SLC39A11: variants seen among roughly 807,000 people sequenced by gnomAD.
SLC39A11 encodes solute carrier family 39 member 11.
Under a neutral mutation model 36.1 loss-of-function variants are expected in SLC39A11, and 33 were observed. The observed-to-expected ratio is 0.91, with a 90% CI of 0.69 to 1.22. The LOEUF (loss-of-function observed/expected upper bound fraction) is 1.22. Ranked by LOEUF, SLC39A11 falls within the 50% of genes most tolerant of loss-of-function variation. SLC39A11 has a pLI of 0.00. For missense variants in SLC39A11, 432 were observed against 430.3 expected (o/e 1.00, Z -0.03); for synonymous variants, 166 against 170.3 (o/e 0.97, Z 0.20).
chr17:72,786,459 T>C (rs1434270297), intron 6 of SLC39A11, among the ~76,000 whole-genome samples: 1 of 152,148 alleles, frequency 6.6e-6, no homozygotes, highest in East Asian at 1.9e-4. Flanking sequence ...ATACACCCCA[T>C]CTTGCCTTTC....
chr17:72,797,790 A>T (rs1159278515), intron 6 of SLC39A11, among the ~76,000 whole-genome samples: 1 of 152,092 alleles, frequency 6.6e-6, no homozygotes, highest in Non-Finnish European at 1.5e-5. Context: ...CCTTTATTCC[A>T]ATGTGCTCAT....
chr17:73,078,054 T>C (rs145061855), intron 3 of SLC39A11, among the ~76,000 whole-genome samples: 48 of 152,042 alleles, frequency 3.2e-4, no homozygotes, highest in African/African-American at 1.1e-3. Flanking sequence ...CTGGCTAACA[T>C]GGTGAAACCC....
At chr17:72,829,263 A>C (rs2078164835) in intron 6 of SLC39A11, among the ~76,000 whole-genome samples, 2 of 151,572 alleles carry the variant, frequency 1.3e-5, no homozygotes, top group South Asian at 4.2e-4. Context: ...CAGCAGGAGG[A>C]TCACTTGGGC....
intron 6 of SLC39A11, among the ~76,000 whole-genome samples, chr17:72,785,460 G>A (rs745337881): frequency 2.6e-5 from 4 of 152,332 alleles, no homozygotes; most frequent in African/African-American, 9.6e-5. Flanking sequence ...TCAGGAGCAC[G>A]TGAAGACATT....
chr17:72,648,429 T>C (rs762322013), intron 9 of SLC39A11, among the ~76,000 whole-genome samples: 1 of 151,796 alleles, frequency 6.6e-6, no homozygotes, highest in Non-Finnish European at 1.5e-5. Context: ...GGCCTATAGC[T>C]AGCCAGTGAA....
chr17:72,842,769 C>T (rs2078876731), intron 6 of SLC39A11, among the ~76,000 whole-genome samples: 2 of 152,304 alleles, frequency 1.3e-5, no homozygotes, highest in Admixed American at 6.5e-5. Flanking sequence ...GCAGGCGCCA[C>T]GGAAGTAGCT....
At chr17:72,795,282 G>A (rs1265859793) in intron 6 of SLC39A11, among the ~76,000 whole-genome samples, 1 of 152,092 alleles carries the variant, frequency 6.6e-6, no homozygotes, top group Admixed American at 6.6e-5. Context: ...GAAGGCTTGA[G>A]TGGGGCTGAA....
At chr17:72,789,951 C>T (rs370009599) in intron 6 of SLC39A11, among the ~76,000 whole-genome samples, 3 of 152,138 alleles carry the variant, frequency 2.0e-5, no homozygotes, top group Non-Finnish European at 2.9e-5. Flanking sequence ...TCTGACTTCT[C>T]GTGGAGTGCC....
At chr17:72,749,420 G>A (rs1267332872) in intron 6 of SLC39A11, among the ~76,000 whole-genome samples, 1 of 152,228 alleles carries the variant, frequency 6.6e-6, no homozygotes, top group African/African-American at 2.4e-5. Flanking sequence ...CTGTATGAAA[G>A]TGGACAGGCT....
At chr17:72,672,413 C>A (rs1469639511) in intron 7 of SLC39A11, among the ~76,000 whole-genome samples, 1 of 152,126 alleles carries the variant, frequency 6.6e-6, no homozygotes, top group Non-Finnish European at 1.5e-5. Flanking sequence ...CATGCCACTG[C>A]CCTCCAGCCT....
intron 4 of SLC39A11, among the ~76,000 whole-genome samples, chr17:72,984,525 T>C (rs1020491793): frequency 6.6e-5 from 10 of 152,078 alleles, no homozygotes; most frequent in African/African-American, 2.2e-4. Flanking sequence ...AAAGCAGCTG[T>C]TCTCAAAGTG....
chr17:72,831,630 A>T (rs2078289460), intron 6 of SLC39A11, among the ~76,000 whole-genome samples: 1 of 152,216 alleles, frequency 6.6e-6, no homozygotes, highest in South Asian at 2.1e-4. Flanking sequence ...GATGGTCTAA[A>T]TTGCTATCGT....
chr17:72,683,585 C>T (rs566446125), intron 7 of SLC39A11, among the ~76,000 whole-genome samples: 1 of 152,182 alleles, frequency 6.6e-6, no homozygotes, highest in South Asian at 2.1e-4. Flanking sequence ...GATCCTCCCG[C>T]CTCTGCTTCC....
chr17:72,927,622 T>C (rs2084123954), intron 5 of SLC39A11, among the ~76,000 whole-genome samples: 1 of 152,166 alleles, frequency 6.6e-6, no homozygotes, highest in African/African-American at 2.4e-5. Flanking sequence ...GCCAATTCCA[T>C]GTTGCAATCA....
intron 5 of SLC39A11, among the ~76,000 whole-genome samples, chr17:72,850,120 C>G (rs2079237305): frequency 6.6e-6 from 1 of 152,144 alleles, no homozygotes; most frequent in African/African-American, 2.4e-5. Flanking sequence ...TGTGTGTTCT[C>G]TCATTCACTC....
At chr17:72,701,489 G>T (rs1470663227) in intron 7 of SLC39A11, among the ~76,000 whole-genome samples, 1 of 152,138 alleles carries the variant, frequency 6.6e-6, no homozygotes, top group Non-Finnish European at 1.5e-5. Flanking sequence ...AGCACTTTGG[G>T]AGGCCGAAGT....
chr17:72,998,196 C>G (rs2089626992), intron 4 of SLC39A11, among the ~76,000 whole-genome samples: 1 of 151,944 alleles, frequency 6.6e-6, no homozygotes, highest in African/African-American at 2.4e-5. Context: ...CACTGGAGGT[C>G]TTGGAAAGTA....
chr17:72,976,904 A>G (rs1014325268), intron 4 of SLC39A11, among the ~76,000 whole-genome samples: 2 of 152,216 alleles, frequency 1.3e-5, no homozygotes, highest in Non-Finnish European at 2.9e-5. Flanking sequence ...TCAGGATTAT[A>G]TATTGTAACC....
intron 3 of SLC39A11, among the ~76,000 whole-genome samples, chr17:73,079,268 T>C (rs1227771901): frequency 2.0e-5 from 3 of 151,994 alleles, no homozygotes; most frequent in African/African-American, 7.3e-5. Flanking sequence ...CAGCTAACTT[T>C]GTATTTTTAG....
Sources: gnomAD v4.1 joint callset for allele counts (sites outside exome capture counted in the v4.1 genomes callset) on GRCh38, gnomAD v4.1.1 for gene constraint, MANE v1.5 for transcripts, NCBI Gene and HGNC (gene_info 2026-07-23, HGNC 2026-07-21) for gene names.